Variants in MAN1A1 observed in about 807,000 individuals in gnomAD.
MAN1A1 encodes mannosyl-oligosaccharide 1,2-alpha-mannosidase IA.
In MAN1A1, 29 loss-of-function variants were observed where a neutral mutation model predicts 70.8. The observed-to-expected ratio is 0.41, with a 90% CI of 0.31 to 0.56. The LOEUF (loss-of-function observed/expected upper bound fraction) is 0.56, where lower values mean the gene tolerates loss of function less well. Among genes scored for constraint, MAN1A1 ranks in the 20% least tolerant of loss-of-function variants. MAN1A1 has a pLI of 0.29. For synonymous variants in MAN1A1, 349 were observed against 330.1 expected, an observed-to-expected ratio of 1.06 and a Z score of -0.62; for missense variants, 747 against 841.3, an observed-to-expected ratio of 0.89 and a Z score of 1.39.
At chr6:119,217,493 G>T (rs910779652) in intron 6 of MAN1A1, among the ~76,000 whole-genome samples, 2 of 152,130 alleles carry the variant, frequency 1.3e-5, no homozygotes, top group African/African-American at 4.8e-5. Context: ...TGTTGGCCAG[G>T]ATGGTCTCGA....
chr6:119,325,294 A>G (rs1281544630), intron 2 of MAN1A1, among the ~76,000 whole-genome samples: 1 of 74,154 alleles, frequency 1.3e-5, no homozygotes, highest in Non-Finnish European at 3.6e-5. Context: ...TTTTGCTCCT[A>G]ACTTTTACAC....
chr6:119,267,739 T>C (rs549257996), intron 5 of MAN1A1, among the ~76,000 whole-genome samples: 7 of 152,220 alleles, frequency 4.6e-5, no homozygotes, highest in Admixed American at 2.6e-4. Context: ...CTATCTTATA[T>C]GGTTTTAGCA....
intron 5 of MAN1A1, among the ~76,000 whole-genome samples, chr6:119,273,993 A>G (rs1775990858): frequency 6.6e-6 from 1 of 152,288 alleles, no homozygotes; most frequent in South Asian, 2.1e-4. Flanking sequence ...TTAGTGTGGA[A>G]AACTGCCCAT....
chr6:119,206,376 T>C (rs957841712), intron 6 of MAN1A1, among the ~76,000 whole-genome samples: 2 of 152,192 alleles, frequency 1.3e-5, no homozygotes, highest in Non-Finnish European at 2.9e-5. Context: ...AGTCCTGTCC[T>C]GGCGTCTGCT....
chr6:119,233,520 G>A (rs766621281), intron 6 of MAN1A1, among the ~76,000 whole-genome samples: 1 of 152,174 alleles, frequency 6.6e-6, no homozygotes, highest in Non-Finnish European at 1.5e-5. Flanking sequence ...TAAGAAACTG[G>A]TCTGGGCTTA....
At chr6:119,252,386 G>A (rs2114332944) in intron 5 of MAN1A1, among the ~76,000 whole-genome samples, 1 of 152,290 alleles carries the variant, frequency 6.6e-6, no homozygotes, top group South Asian at 2.1e-4. Context: ...GCAAATTTGA[G>A]TGATTTTCTT....
intron 6 of MAN1A1, among the ~76,000 whole-genome samples, chr6:119,206,141 A>C (rs919329688): frequency 3.3e-5 from 5 of 152,214 alleles, no homozygotes; most frequent in African/African-American, 1.2e-4. Context: ...ACACACGAGC[A>C]GAGGGGCTGG....
At chr6:119,343,761 T>C (rs1773657551) in intron 2 of MAN1A1, among the ~76,000 whole-genome samples, 2 of 152,210 alleles carry the variant, frequency 1.3e-5, no homozygotes, top group Non-Finnish European at 2.9e-5. Flanking sequence ...GAGCCCACAG[T>C]GGCTGTTCCT....
At position 119,206,965 on chromosome 6, in the gene MAN1A1, C is replaced by G. The variant is rs181794690; in HGVS notation, c.993-2083G>C. On this transcript the variant is annotated intron_variant, in intron 6 of 12. Coordinates refer to ENST00000368468, the MANE Select transcript of MAN1A1 (RefSeq NM_005907.4). The stretch of plus-strand genomic sequence containing the variant: ...AGCCCGCCTTCCAGATCTTCAGGGA[C>G]TGGTTAAGTTTGGGGATTAGAGCAT... Among the ~76,000 whole-genome samples, 48 of 152,286 alleles carry G rather than the reference C, an allele frequency of 3.2e-4. No homozygotes were observed. The Middle Eastern group carries it at 0.014, about 43-fold the overall frequency.
In MAN1A1 at chr6:119,302,068, C is replaced by T. The variant is rs1423793373; in HGVS notation, c.736G>A (p.Asp246Asn). 1.2e-6 allele frequency: 2 copies of T among 1,608,646 alleles called. No homozygotes were observed. Among genetic ancestry groups the T allele is most frequent in the African/African-American group, 1.3e-5 (1 of 74,900 alleles). ...TTCATTTCCATAATAAAAAGTGTAT[C>T]CAGGGCATCTACTATAGTTGCTCCT... ...IKGATIVDAL[D>N]TLFIMEMKHE... is the part of the protein sequence containing the mutation. Residue 246 changes from aspartate to asparagine, a missense_variant, in exon 4 of 13, where the codon GAT becomes AAT. Transcript: ENST00000368468.
At chr6:119,333,408 G>A (rs954744371) in intron 2 of MAN1A1, among the ~76,000 whole-genome samples, 1 of 152,122 alleles carries the variant, frequency 6.6e-6, no homozygotes, top group Non-Finnish European at 1.5e-5. Context: ...CAATTACTGA[G>A]TATTAAGGTG....
chr6:119,267,844 TTTTTC>T (rs1236707632), intron 5 of MAN1A1, among the ~76,000 whole-genome samples: 5 of 152,338 alleles, frequency 3.3e-5, no homozygotes, highest in African/African-American at 4.8e-5. Flanking sequence ...GGCATCTCAT[TTTTTC>T]TTTTCTTTTC....
chr6:119,348,410 T>C, intron 2 of MAN1A1, 53 bp downstream of exon 2: 1 of 1,476,772 alleles, frequency 6.8e-7, no homozygotes, highest in Non-Finnish European at 9.2e-7. Flanking sequence ...GCTTGCCGTT[T>C]CTCCCTGAAA....
At chr6:119,268,643 G>A (rs1775825106) in intron 5 of MAN1A1, among the ~76,000 whole-genome samples, 1 of 151,906 alleles carries the variant, frequency 6.6e-6, no homozygotes, top group Admixed American at 6.6e-5. Flanking sequence ...TTGAAGTGTA[G>A]TGGTGCAATT....
At chr6:119,223,391 G>A (rs1774418838) in intron 6 of MAN1A1, among the ~76,000 whole-genome samples, 1 of 151,952 alleles carries the variant, frequency 6.6e-6, no homozygotes, top group African/African-American at 2.4e-5. Context: ...AATCTCATAA[G>A]TTTAAAGTTA....
intron 5 of MAN1A1, among the ~76,000 whole-genome samples, chr6:119,250,709 G>A (rs1310078436): frequency 6.6e-6 from 1 of 150,670 alleles, no homozygotes; most frequent in Non-Finnish European, 1.5e-5. Context: ...CCTCTTCCCC[G>A]ACATACACAC....
chr6:119,265,140 A>T (rs1775718469), intron 5 of MAN1A1, among the ~76,000 whole-genome samples: 1 of 149,998 alleles, frequency 6.7e-6, no homozygotes, highest in Non-Finnish European at 1.5e-5. Context: ...TCACTCTGTC[A>T]CCCAGGCTAA....
intron 2 of MAN1A1, among the ~76,000 whole-genome samples, chr6:119,326,982 A>G (rs752054621): frequency 1.3e-5 from 2 of 152,206 alleles, no homozygotes; most frequent in Non-Finnish European, 2.9e-5. Context: ...AAAAGTGGTA[A>G]GCAGAGTGAA....
chr6:119,195,820 T>C (rs1013047217), intron 8 of MAN1A1, among the ~76,000 whole-genome samples: 3 of 152,228 alleles, frequency 2.0e-5, no homozygotes, highest in Admixed American at 1.3e-4. Context: ...AGTGTAGAAT[T>C]ATAGTTTAAA....
Sources: gnomAD v4.1 joint callset for allele counts (sites outside exome capture counted in the v4.1 genomes callset) on GRCh38, gnomAD v4.1.1 for gene constraint, MANE v1.5 for transcripts, NCBI Gene and HGNC (gene_info 2026-07-23, HGNC 2026-07-21) for gene names.